The following PAPPA2 variants were observed in gnomAD, a reference collection of about 807,000 sequenced individuals.
PAPPA2 encodes pappalysin-2.
Under a neutral mutation model 176.4 loss-of-function variants are expected in PAPPA2, and 86 were observed. That is an observed-to-expected ratio of 0.49 (90% CI 0.41 to 0.58). PAPPA2 has a LOEUF of 0.58. Ranked by LOEUF, PAPPA2 falls within the 20% of genes least tolerant of loss-of-function variation. The probability of loss-of-function intolerance (pLI) is 0.00; values close to 1 mark genes in which losing one functional copy is unlikely to be tolerated. For synonymous variants in PAPPA2, 809 were observed against 852.2 expected, an observed-to-expected ratio of 0.95 and a Z score of 0.88; for missense variants, 2,073 against 2,256.9, an observed-to-expected ratio of 0.92 and a Z score of 1.65.
intron 1 of PAPPA2, among the ~76,000 whole-genome samples, chr1:176,480,503 C>G (rs1288545654): frequency 1.3e-5 from 2 of 151,896 alleles, no homozygotes; most frequent in Non-Finnish European, 1.5e-5. Context: ...TCCACCCCAC[C>G]TTAAGGGAAG....
chr1:176,566,270 C>A (rs565151306), intron 2 of PAPPA2, among the ~76,000 whole-genome samples: 1 of 152,142 alleles, frequency 6.6e-6, no homozygotes, highest in East Asian at 1.9e-4. Context: ...GTTTGGGGTG[C>A]AGGTGGGGGA....
chr1:176,707,795 G>A (rs1049011634), intron 10 of PAPPA2, among the ~76,000 whole-genome samples: 4 of 152,070 alleles, frequency 2.6e-5, no homozygotes, highest in African/African-American at 9.7e-5. Flanking sequence ...AAACTACAGA[G>A]GATATATATT....
rs747554735 is a variant in PAPPA2, at chr1:176,782,983, G to A, written c.4716-6826G>A. Among the ~76,000 whole-genome samples the A allele has an allele frequency of 3.3e-5, 5 of 152,224 alleles. No individual in the cohort carries two copies. The East Asian group carries it at 9.7e-4, about 29-fold the overall frequency. ...GTTGATGGGTTAGAAGAAAGCAGAT[G>A]GGGTGACCAAAAAGGTAAGATTGAG... is the stretch of plus-strand genomic sequence containing the variant. On this transcript the variant is annotated intron_variant, in intron 17 of 22. Transcript: ENST00000367662.
At chr1:176,814,600 T>C (rs1666302838) in intron 21 of PAPPA2, among the ~76,000 whole-genome samples, 1 of 152,222 alleles carries the variant, frequency 6.6e-6, no homozygotes, top group Non-Finnish European at 1.5e-5. Flanking sequence ...GTTTTTAGTG[T>C]ACAGGAATGC....
intron 2 of PAPPA2, among the ~76,000 whole-genome samples, chr1:176,557,479 C>T (rs1651391663): frequency 6.6e-6 from 1 of 152,134 alleles, no homozygotes; most frequent in African/African-American, 2.4e-5. Flanking sequence ...ATCTCATGTC[C>T]TTGTATACAT....
chr1:176,548,626 G>A (rs528928674), intron 1 of PAPPA2, among the ~76,000 whole-genome samples: 9 of 152,236 alleles, frequency 5.9e-5, no homozygotes, highest in South Asian at 4.1e-4. Context: ...CTGGAAACGC[G>A]CAGTTCTTTT....
At chr1:176,469,098 A>G (rs993555539) in intron 1 of PAPPA2, among the ~76,000 whole-genome samples, 6 of 152,184 alleles carry the variant, frequency 3.9e-5, no homozygotes, top group African/African-American at 1.4e-4. Flanking sequence ...AGTCGCTTGC[A>G]TGGTGGCAGC....
At chr1:176,561,924 G>T (rs1457540989) in intron 2 of PAPPA2, among the ~76,000 whole-genome samples, 1 of 152,198 alleles carries the variant, frequency 6.6e-6, no homozygotes, top group East Asian at 1.9e-4. Context: ...TCACATGGTG[G>T]CAGGCAAGAC....
At position 176,730,918 on chromosome 1, in the gene PAPPA2, G is replaced by T. The variant is rs557057997; in HGVS notation, c.3799-8708G>T. Among the ~76,000 whole-genome samples the T allele has an allele frequency of 3.3e-5, 5 of 151,862 alleles. No individual in the cohort carries two copies. In the East Asian group the frequency reaches 9.7e-4, roughly 29 times the overall value. ...TTTTCAGGGCATAATAACTTTTATT[G>T]TGCCAGCTGTGTCTTTATTAGATAT... On this transcript the variant is annotated intron_variant, in intron 12 of 22. Transcript: ENST00000367662.
At chr1:176,514,592 C>T (rs1289081652) in intron 1 of PAPPA2, among the ~76,000 whole-genome samples, 1 of 152,260 alleles carries the variant, frequency 6.6e-6, no homozygotes, top group Non-Finnish European at 1.5e-5. Context: ...GGCTTTCAAT[C>T]ATTTTGACTC....
At chr1:176,680,520 A>G (rs556356490) in intron 4 of PAPPA2, among the ~76,000 whole-genome samples, 1 of 152,360 alleles carries the variant, frequency 6.6e-6, no homozygotes, top group South Asian at 2.1e-4. Flanking sequence ...ATTGTAAGAA[A>G]CAATACAAAA....
At chr1:176,505,184 C>T (rs1296850748) in intron 1 of PAPPA2, among the ~76,000 whole-genome samples, 4 of 152,106 alleles carry the variant, frequency 2.6e-5, no homozygotes, top group Non-Finnish European at 4.4e-5. Flanking sequence ...TAACCCAATA[C>T]TCATTGACAT....
rs927199738 is a variant in PAPPA2 at position 176,739,620 on chromosome 1, G to A, written c.3799-6G>A. 1 of 1,611,590 alleles carries A rather than the reference G, an allele frequency of 6.2e-7. No individual in the cohort carries two copies. Among genetic ancestry groups the A allele is most frequent in the Non-Finnish European group, 8.5e-7 (1 of 1,178,500 alleles). On this transcript the variant is annotated splice_region_variant and splice_polypyrimidine_tract_variant and intron_variant, in intron 12 of 22. Coordinates refer to ENST00000367662, the MANE Select transcript of PAPPA2 (RefSeq NM_020318.3). ...ATGACTTATACATAAATGTGCTTAT[G>A]CTTAGGTGTGTTTCAATAGACCAGG...
chr1:176,710,070 A>T lies in PAPPA2; in HGVS notation c.3545A>T (p.Tyr1182Phe), dbSNP rs1307206136. The change falls in exon 11 of 23, where the codon TAC becomes TTC. Residue 1182 changes from tyrosine (Y) to phenylalanine (F), a missense_variant. Tyr to Phe is a conservative substitution (Grantham distance 22, BLOSUM62 3). This residue lies in a region of PAPPA2 where 846 missense variants were observed against 857.9 expected (regional missense o/e 0.99). Coordinates refer to ENST00000367662, the MANE Select transcript of PAPPA2 (RefSeq NM_020318.3). The part of the protein sequence containing the change: ...RKTSIVDCGI[Y>F]TPKGYLDQWA... ...ACCAGCATTGTAGACTGTGGCATCT[A>T]CACTCCCAAAGGATACTTGGATCAA... is the stretch of plus-strand genomic sequence containing the variant. 3.1e-6 allele frequency: 5 copies of T among 1,613,740 alleles called. No homozygotes were observed. The highest frequency in any genetic ancestry group is 4.2e-6 in the Non-Finnish European group (5 of 1,179,800).
At chr1:176,797,010 T>A in intron 20 of PAPPA2, among the ~76,000 whole-genome samples, 1 of 152,196 alleles carries the variant, frequency 6.6e-6, no homozygotes, top group East Asian at 1.9e-4. Context: ...TCTCTTAAAC[T>A]TTTTTTATGT....
intron 2 of PAPPA2, among the ~76,000 whole-genome samples, chr1:176,560,278 C>T (rs1651587243): frequency 6.6e-6 from 1 of 152,168 alleles, no homozygotes; most frequent in South Asian, 2.1e-4. Context: ...TTCCCCTCTC[C>T]CTCCCCCACT....
intron 12 of PAPPA2, among the ~76,000 whole-genome samples, chr1:176,732,428 A>G (rs1662205369): frequency 6.6e-6 from 1 of 152,200 alleles, no homozygotes; most frequent in Non-Finnish European, 1.5e-5. Flanking sequence ...GTTTCAAATG[A>G]TGCATTTGGA....
chr1:176,845,028 C>T lies in PAPPA2; in HGVS notation c.*2574C>T, dbSNP rs1232633427. ...ATAGTCAGCTATAGCTATTCAGAGACAGCAGGTTCTTCCAGTCTTTGTTCC... is the reference window on the plus strand; with the variant it reads ...ATAGTCAGCTATAGCTATTCAGAGATAGCAGGTTCTTCCAGTCTTTGTTCC... On this transcript the variant is annotated 3_prime_UTR_variant, in exon 23 of 23. Coordinates refer to ENST00000367662, the MANE Select transcript of PAPPA2 (RefSeq NM_020318.3). The T allele has an allele frequency of 1.3e-5, 2 of 152,096 alleles. No homozygotes were observed. Among genetic ancestry groups the T allele is most frequent in the Admixed American group, 6.6e-5 (1 of 15,234 alleles). 9.4% of individuals were successfully genotyped at this position (152,096 alleles called of 1,614,324 possible).
At chr1:176,686,136 T>C (rs1248559760) in intron 4 of PAPPA2, among the ~76,000 whole-genome samples, 1 of 152,164 alleles carries the variant, frequency 6.6e-6, no homozygotes, top group African/African-American at 2.4e-5. Context: ...TGAGAGTGGA[T>C]GAAGGGTGCA....
Sources: allele counts gnomAD v4.1 joint callset (sites outside exome capture counted in the v4.1 genomes callset), GRCh38; gene constraint gnomAD v4.1.1; regional missense constraint gnomAD v4.1.1; transcripts MANE v1.5; gene names NCBI Gene and HGNC (gene_info 2026-07-23, HGNC 2026-07-21).